Variants in PCDHGA2 observed in about 807,000 individuals in gnomAD.
PCDHGA2 encodes protocadherin gamma subfamily A, 2.
In PCDHGA2, 40 loss-of-function variants were observed where a neutral mutation model predicts 59.2. That is an observed-to-expected ratio of 0.68 (90% confidence interval 0.52 to 0.88). PCDHGA2 has a LOEUF of 0.88. Among genes scored for constraint, PCDHGA2 ranks in the 40% least tolerant of loss-of-function variants. The pLI is 0.00. For missense variants in PCDHGA2, 1,226 were observed against 1,204.0 expected, an observed-to-expected ratio of 1.02 and a Z score of -0.27; for synonymous variants, 560 against 526.0, an observed-to-expected ratio of 1.06 and a Z score of -0.89.
chr5:141,372,041 C>A (rs779511565), intron 1 of PCDHGA2: 1 of 1,613,374 alleles, frequency 6.2e-7, no homozygotes, highest in Non-Finnish European at 8.5e-7. Flanking sequence ...TGAGCCTGCG[C>A]GTGTTGGTGG....
chr5:141,467,775 C>T (rs1464827506), intron 1 of PCDHGA2, among the ~76,000 whole-genome samples: 1 of 151,960 alleles, frequency 6.6e-6, no homozygotes, highest in Non-Finnish European at 1.5e-5. Context: ...GCCCGCACCT[C>T]AGCCTCTCAA....
chr5:141,489,804 G>A lies in PCDHGA2; in HGVS notation c.2425-5003G>A, dbSNP rs2099692572. 1 of 1,614,056 alleles carries A rather than the reference G, an allele frequency of 6.2e-7. No homozygotes were observed. The highest frequency in any genetic ancestry group is 1.3e-5 in the African/African-American group (1 of 74,932). ...TGAATGTGAAGACCCTAAAAGATGG[G>A]AAGCCATTCCCAGAGCTGGTGCTAG... On this transcript the variant is annotated intron_variant, in intron 1 of 3. Transcript: ENST00000394576. The surrounding 1 kb of genome is among the most constrained non-coding windows in gnomAD (Gnocchi z 4.5).
intron 1 of PCDHGA2, among the ~76,000 whole-genome samples, chr5:141,492,539 G>A (rs1474928199): frequency 1.3e-5 from 2 of 152,200 alleles, no homozygotes; most frequent in African/African-American, 2.4e-5. Context: ...GCCCCGGGCT[G>A]GGCCGGGTCG....
Position 141,487,831 on chromosome 5 carries a change from A to G in PCDHGA2, c.2425-6976A>G, listed in dbSNP as rs1001896359. ...TTAGCATTGGGGGCGGGTCATGCCTATATCTGAGTAAGAAATGAAAGTAAT... is the reference window on the plus strand; with the variant it reads ...TTAGCATTGGGGGCGGGTCATGCCTGTATCTGAGTAAGAAATGAAAGTAAT... On this transcript the variant is annotated intron_variant, in intron 1 of 3. Transcript: ENST00000394576. This position sits in a 1 kb window ranked among gnomAD's most constrained non-coding sequence, Gnocchi z 5.0. The G allele has an allele frequency of 1.1e-5, 13 of 1,144,204 alleles. No homozygotes were observed. Among genetic ancestry groups the G allele is most frequent in the Non-Finnish European group, 1.6e-5 (13 of 818,302 alleles). 70.9% of individuals were successfully genotyped at this position (1,144,204 alleles called of 1,614,324 possible). A position where few individuals can be genotyped will look rare whatever the true frequency, so the allele number is the denominator to read the frequency against.
chr5:141,363,750 C>T (rs1326299943), intron 1 of PCDHGA2, among the ~76,000 whole-genome samples: 3 of 152,082 alleles, frequency 2.0e-5, no homozygotes, highest in Non-Finnish European at 4.4e-5. Flanking sequence ...CCTTGGTATT[C>T]TTATATGCAA....
intron 1 of PCDHGA2, chr5:141,414,279 A>G (rs1369675815): frequency 1.9e-6 from 3 of 1,613,350 alleles, no homozygotes; most frequent in Admixed American, 3.3e-5. Context: ...CTCTGGGAAC[A>G]GTCGTAGCCC....
chr5:141,427,213 G>A (rs566924176), intron 1 of PCDHGA2: 3 of 456,706 alleles, frequency 6.6e-6, no homozygotes, highest in East Asian at 6.9e-5. Context: ...TTCGAATTTC[G>A]TAGCAGTTAT....
In PCDHGA2 at chr5:141,365,825, G is replaced by T. The variant is rs772088278; in HGVS notation, c.2424+24430G>T. On this transcript the variant is annotated intron_variant, in intron 1 of 3. Transcript: ENST00000394576. Reference sequence around the variant, plus strand: ...CCTGGCTGAAGACACATTTCAGGGGGCGCCCTTGTCCTCCTATGTATCCAT... The same window carrying T: ...CCTGGCTGAAGACACATTTCAGGGGTCGCCCTTGTCCTCCTATGTATCCAT... 77 of 1,613,824 alleles carry T rather than the reference G, an allele frequency of 4.8e-5. No homozygotes were observed. In the Admixed American group the frequency reaches 5.7e-4, roughly 12 times the overall value.
chr5:141,395,158 A>G, intron 1 of PCDHGA2: 2 of 1,614,208 alleles, frequency 1.2e-6, no homozygotes, highest in Non-Finnish European at 1.7e-6. Context: ...CTCATCAGTC[A>G]GGAGGGCTGT....
chr5:141,421,812 A>T, intron 1 of PCDHGA2: 1 of 1,613,822 alleles, frequency 6.2e-7, no homozygotes, highest in Non-Finnish European at 8.5e-7. Context: ...ATCCAGAGCT[A>T]GTACTGGAGG....
At chr5:141,478,051 G>A (rs751371411) in intron 1 of PCDHGA2, 2 of 1,614,088 alleles carry the variant, frequency 1.2e-6, no homozygotes, top group East Asian at 2.2e-5. Context: ...AGACTCTCAC[G>A]GTCTTGATCA....
chr5:141,488,807 C>G (rs2099679535), intron 1 of PCDHGA2, among the ~76,000 whole-genome samples: 1 of 152,170 alleles, frequency 6.6e-6, no homozygotes, highest in Non-Finnish European at 1.5e-5. Flanking sequence ...TGAGTACCAT[C>G]TGAGCTGTCA....
chr5:141,422,286 T>C, intron 1 of PCDHGA2: 2 of 1,554,938 alleles, frequency 1.3e-6, no homozygotes, highest in Non-Finnish European at 1.7e-6. Flanking sequence ...TCACCTCTTC[T>C]ATTAATTCAA....
At chr5:141,430,633 C>T in intron 1 of PCDHGA2, 1 of 868,018 alleles carries the variant, frequency 1.2e-6, no homozygotes, top group Non-Finnish European at 1.7e-6. Context: ...ATGAACCATC[C>T]CTGGGAGTAT....
intron 1 of PCDHGA2, among the ~76,000 whole-genome samples, chr5:141,469,186 G>T (rs536021769): frequency 6.6e-6 from 1 of 151,978 alleles, no homozygotes; most frequent in Admixed American, 6.6e-5. Flanking sequence ...TGAGGCAAGA[G>T]GATTGCTTGA....
At position 141,398,050 on chromosome 5, in the gene PCDHGA2, T is replaced by C. The variant is rs558695876; in HGVS notation, c.2424+56655T>C. Reference sequence around the variant, plus strand: ...ACTGGAACTAAAGCCCGTTCGGAGATCCAAAAATCTACAATACAGAGGTTA... The same window carrying C: ...ACTGGAACTAAAGCCCGTTCGGAGACCCAAAAATCTACAATACAGAGGTTA... On this transcript the variant is annotated intron_variant, in intron 1 of 3. Coordinates refer to ENST00000394576, the MANE Select transcript of PCDHGA2 (RefSeq NM_018915.4). 12 of 1,510,524 alleles carry C rather than the reference T, an allele frequency of 7.9e-6. No individual in the cohort carries two copies. The African/African-American group carries it at 1.1e-4, about 14-fold the overall frequency. 93.6% of individuals were successfully genotyped at this position (1,510,524 alleles called of 1,614,324 possible). A position where few individuals can be genotyped will look rare whatever the true frequency, so the allele number is the denominator to read the frequency against.
Position 141,477,865 on chromosome 5 carries a change from T to A in PCDHGA2, c.2425-16942T>A, listed in dbSNP as rs1380570615. On this transcript the variant is annotated intron_variant, in intron 1 of 3. Transcript: ENST00000394576. This position sits in a 1 kb window ranked among gnomAD's most constrained non-coding sequence, Gnocchi z 4.9. ...GCTCGGTGGAGATGCTGCCTCGAGG[T>A]ACCTCAGCTGGCCACCTAGTGTCAC... 6.2e-7 allele frequency: 1 copy of A among 1,612,698 alleles called. No individual in the cohort carries two copies. Among genetic ancestry groups the A allele is most frequent in the Non-Finnish European group, 8.5e-7 (1 of 1,179,562 alleles).
Position 141,485,274 on chromosome 5 carries a change from C to G in PCDHGA2, c.2425-9533C>G. 2 of 1,614,106 alleles carry G rather than the reference C, an allele frequency of 1.2e-6. No homozygotes were observed. Among genetic ancestry groups the G allele is most frequent in the Non-Finnish European group, 1.7e-6 (2 of 1,179,964 alleles). On this transcript the variant is annotated intron_variant, in intron 1 of 3. Transcript: ENST00000394576. The surrounding 1 kb of genome is among the most constrained non-coding windows in gnomAD (Gnocchi z 5.7). ...TACGTTTGTGGGCAGATCCGCTACC[C>G]GGTCCCAGAGGAGTCACAGGAAGGG...
At position 141,341,199 on chromosome 5, in the gene PCDHGA2, T is replaced by C. The variant is rs150955204; in HGVS notation, c.2228T>C (p.Val743Ala). The change falls in exon 1 of 4, where the codon GTG (valine) becomes GCG (alanine). Residue 743 changes from valine (V) to alanine (A), a missense_variant. By Grantham distance (64) the Val-to-Ala change is moderately conservative. Transcript: ENST00000394576. ...ATGCAGAGCTCGCACTTTGTGGGCG[T>C]GGACGGGGTTCGGGCTTTCCTGCAG... ...TGMQSSHFVG[V>A]DGVRAFLQTY... 125 of 1,614,018 alleles carry C rather than the reference T, an allele frequency of 7.7e-5. No individual in the cohort carries two copies. The highest frequency in any genetic ancestry group is 3.3e-4 in the South Asian group (30 of 91,088).
Sources: gnomAD v4.1 joint callset for allele counts (sites outside exome capture counted in the v4.1 genomes callset) on GRCh38, gnomAD v4.1.1 for gene constraint, Gnocchi (gnomAD v3.1) non-coding constraint, MANE v1.5 for transcripts, NCBI Gene and HGNC (gene_info 2026-07-23, HGNC 2026-07-21) for gene names.